The following GPD2 variants were observed in gnomAD, a reference collection of about 807,000 sequenced individuals.
GPD2 encodes the protein glycerol-3-phosphate dehydrogenase 2, also known as glycerol-3-phosphate dehydrogenase, mitochondrial.
A neutral mutation model predicts 82.4 loss-of-function variants in GPD2; 54 were observed. The observed-to-expected ratio is 0.66, with a 90% CI of 0.53 to 0.82. The LOEUF is 0.82. GPD2 is among the 40% of genes least tolerant of loss of function. The probability of loss-of-function intolerance (pLI) is 0.00; values close to 1 mark genes in which losing one functional copy is unlikely to be tolerated. For missense variants in GPD2, 748 were observed against 896.2 expected (o/e 0.83, Z 2.11); for synonymous variants, 288 against 306.1 (o/e 0.94, Z 0.62).
the GPD2 span, among the ~76,000 whole-genome samples, chr2:156,420,652 G>A: frequency 1.6e-4 from 24 of 152,266 alleles, no homozygotes; most frequent in Admixed American, 1.1e-3. Flanking sequence ...AGCATCTATT[G>A]ATCATACTTT....
rs73965931 is a variant in GPD2, at chr2:156,471,288, G to T, written c.-8-4810G>T. Among the ~76,000 whole-genome samples, 685 of 152,204 alleles carry T rather than the reference G, an allele frequency of 4.5e-3. 6 individuals are homozygous for T. The highest frequency in any genetic ancestry group is 0.015 in the African/African-American group (636 of 41,510). Reference sequence around the variant, plus strand: ...TTAAACCAGGCTCTTCTCTCACATGGGATCTATTTCATTGCCCTCTAATTG... The same window carrying T: ...TTAAACCAGGCTCTTCTCTCACATGTGATCTATTTCATTGCCCTCTAATTG... On this transcript the variant is annotated intron_variant, in intron 1 of 16. Coordinates refer to ENST00000438166, the MANE Select transcript of GPD2 (RefSeq NM_000408.5).
intron 3 of GPD2, among the ~76,000 whole-genome samples, chr2:156,496,688 ATT>A (rs2105242828): frequency 6.7e-6 from 1 of 148,334 alleles, no homozygotes; most frequent in African/African-American, 2.4e-5. Flanking sequence ...ATGAGTTTAT[ATT>A]TTATGAGTTT....
Position 156,513,332 on chromosome 2 carries a change from G to T in GPD2, c.498-1G>T. 6.2e-7 allele frequency: 1 copy of T among 1,605,682 alleles called. No individual in the cohort carries two copies. The highest frequency in any genetic ancestry group is 8.5e-7 in the Non-Finnish European group (1 of 1,173,966). ...AACTTTCCCCCCTATTTATGCTGTA[G>T]GTGGTGGCAGTTACCTTACTACTGG... On this transcript the variant is annotated splice_acceptor_variant, in intron 5 of 16. Coordinates refer to ENST00000438166, the MANE Select transcript of GPD2 (RefSeq NM_000408.5). LOFTEE classifies it high-confidence loss of function.
intron 6 of GPD2, among the ~76,000 whole-genome samples, chr2:156,545,971 A>G (rs952409136): frequency 6.6e-6 from 1 of 152,178 alleles, no homozygotes; most frequent in Non-Finnish European, 1.5e-5. Flanking sequence ...GTCATTGAGG[A>G]TTAAGACAAA....
the GPD2 span, among the ~76,000 whole-genome samples, chr2:156,426,178 C>T: frequency 6.6e-6 from 1 of 152,182 alleles, no homozygotes; most frequent in Non-Finnish European, 1.5e-5. Flanking sequence ...CCGCCTTGGC[C>T]TCCCAAAGTG....
chr2:156,440,601 G>A (rs1025205643), intron 1 of GPD2, among the ~76,000 whole-genome samples: 2 of 151,874 alleles, frequency 1.3e-5, no homozygotes, highest in South Asian at 2.1e-4. Flanking sequence ...ATATCATATC[G>A]GTGCTCTTAT....
chr2:156,446,515 C>T (rs1682375322), intron 1 of GPD2, among the ~76,000 whole-genome samples: 1 of 151,890 alleles, frequency 6.6e-6, no homozygotes, highest in Admixed American at 6.6e-5. Flanking sequence ...AGCTGCAAGT[C>T]CAGGAAGAAG....
chr2:156,566,384 CT>C (rs1687391445), intron 9 of GPD2, among the ~76,000 whole-genome samples: 1 of 152,070 alleles, frequency 6.6e-6, no homozygotes, highest in African/African-American at 2.4e-5. Flanking sequence ...CTTATTCCCC[CT>C]CTCCCAACCC....
intron 3 of GPD2, among the ~76,000 whole-genome samples, chr2:156,505,879 A>G (rs1260832528): frequency 6.6e-6 from 1 of 152,204 alleles, no homozygotes; most frequent in Non-Finnish European, 1.5e-5. Flanking sequence ...TGAACTCTTA[A>G]TTTGATTTCA....
At chr2:156,464,294 A>T (rs1289314606) in intron 1 of GPD2, among the ~76,000 whole-genome samples, 1 of 152,212 alleles carries the variant, frequency 6.6e-6, no homozygotes, top group Non-Finnish European at 1.5e-5. Flanking sequence ...AAGTGTAATC[A>T]GTAAGCTAAA....
the GPD2 span, among the ~76,000 whole-genome samples, chr2:156,414,226 A>C: frequency 6.6e-6 from 1 of 152,352 alleles, no homozygotes; most frequent in Admixed American, 6.5e-5. Context: ...TCTTATTTCA[A>C]TATTCTAAGT....
chr2:156,578,542 C>G (rs1444646379), intron 13 of GPD2, among the ~76,000 whole-genome samples: 1 of 152,122 alleles, frequency 6.6e-6, no homozygotes, highest in Non-Finnish European at 1.5e-5. Flanking sequence ...ACACAAAAGA[C>G]TACATACTAT....
At chr2:156,454,610 G>A (rs1682725198) in intron 1 of GPD2, among the ~76,000 whole-genome samples, 4 of 152,144 alleles carry the variant, frequency 2.6e-5, no homozygotes, top group Admixed American at 1.3e-4. Flanking sequence ...TGTTTTCAAG[G>A]TTTAGTTTGG....
At chr2:156,568,000 G>A (rs753753808) in intron 9 of GPD2, among the ~76,000 whole-genome samples, 1 of 152,108 alleles carries the variant, frequency 6.6e-6, no homozygotes, top group Non-Finnish European at 1.5e-5. Context: ...CAGTATACCT[G>A]TTTCTGTGTC....
At chr2:156,547,498 C>T (rs1257336115) in intron 6 of GPD2, among the ~76,000 whole-genome samples, 7 of 152,108 alleles carry the variant, frequency 4.6e-5, no homozygotes, top group East Asian at 1.9e-4. Context: ...CCATGGCAGA[C>T]GAGGATCATA....
At chr2:156,510,645 AAT>A in intron 3 of GPD2, 149 bp from the exon 4 acceptor site, 2 of 685,790 alleles carry the variant, frequency 2.9e-6, no homozygotes, top group Non-Finnish European at 5.3e-6. Flanking sequence ...TCTTCATTAT[AAT>A]ATAGACAGTG....
At chr2:156,464,537 A>G (rs1683088446) in intron 1 of GPD2, among the ~76,000 whole-genome samples, 1 of 152,184 alleles carries the variant, frequency 6.6e-6, no homozygotes. Flanking sequence ...TGTTAAGGAA[A>G]CAGAGTGACT....
At chr2:156,569,253 G>T in intron 10 of GPD2, 110 bp from the exon 11 acceptor site, 1 of 782,722 alleles carries the variant, frequency 1.3e-6, no homozygotes, top group Non-Finnish European at 2.3e-6. Context: ...ACAATCCCAT[G>T]TTTGTTACAA....
At chr2:156,558,118 T>C (rs1266174129) in intron 9 of GPD2, among the ~76,000 whole-genome samples, 1 of 152,214 alleles carries the variant, frequency 6.6e-6, no homozygotes, top group Non-Finnish European at 1.5e-5. Context: ...ACTGGGGCAT[T>C]TCAACTTGAC....
Sources: allele counts gnomAD v4.1 joint callset (sites outside exome capture counted in the v4.1 genomes callset), GRCh38; gene constraint gnomAD v4.1.1; transcripts MANE v1.5; gene names NCBI Gene and HGNC (gene_info 2026-07-23, HGNC 2026-07-21).